RP1: variants seen among roughly 807,000 people sequenced by gnomAD.
The protein encoded by RP1 is oxygen-regulated protein 1.
RP1 carries 16 observed loss-of-function variants against 14.8 expected under a neutral mutation model. The ratio of observed to expected loss-of-function variants is 1.08; its 90% CI spans 0.73 to 1.65. The LOEUF is 1.65. RP1 is among the 40% of genes most tolerant of loss of function. The pLI is 0.00. For missense variants in RP1, 2,631 were observed against 2,535.0 expected, an observed-to-expected ratio of 1.04 and a Z score of -0.81; for synonymous variants, 876 against 883.6, an observed-to-expected ratio of 0.99 and a Z score of 0.15.
At chr8:54,609,280 G>A (rs1475568455) in intron 1 of RP1, among the ~76,000 whole-genome samples, 1 of 151,830 alleles carries the variant, frequency 6.6e-6, no homozygotes, top group South Asian at 2.1e-4. Context: ...GGGAAACAAA[G>A]TGAGACCCAG....
chr8:54,840,720 C>G (rs1458980079), intron 25 of RP1, among the ~76,000 whole-genome samples: 1 of 151,298 alleles, frequency 6.6e-6, no homozygotes, highest in African/African-American at 2.4e-5. Flanking sequence ...AATAAAGGCT[C>G]AGCATGTCTT....
At chr8:54,663,753 T>C (rs1248372478) in exon 7 of RP1, 3 of 1,535,098 alleles carry the variant, frequency 2.0e-6, no homozygotes, top group Admixed American at 2.0e-5. Context: ...GCTGGAACAG[T>C]AGCAAACGTC....
At chr8:54,687,857 T>G (rs950196647) in intron 12 of RP1, among the ~76,000 whole-genome samples, 9 of 152,204 alleles carry the variant, frequency 5.9e-5, no homozygotes, top group Non-Finnish European at 1.2e-4. Flanking sequence ...AAATGGTATT[T>G]CTGGTTCTAG....
intron 24 of RP1, among the ~76,000 whole-genome samples, chr8:54,804,143 T>TGG (rs3077303): frequency 6.7e-6 from 1 of 149,870 alleles, no homozygotes; most frequent in Non-Finnish European, 1.5e-5. Flanking sequence ...ATTACATATG[T>TGG]GGGGGGGGGC....
At chr8:54,754,430 C>T (rs189858724) in intron 19 of RP1, among the ~76,000 whole-genome samples, 127 of 151,638 alleles carry the variant, frequency 8.4e-4, no homozygotes, top group Non-Finnish European at 1.4e-3. Flanking sequence ...ATTTTCTTAT[C>T]TATAAGATTG....
At chr8:54,609,564 GC>G (rs1805542955) in intron 1 of RP1, among the ~76,000 whole-genome samples, 1 of 152,092 alleles carries the variant, frequency 6.6e-6, no homozygotes, top group Non-Finnish European at 1.5e-5. Flanking sequence ...GGTTCTCAAT[GC>G]CCCCCACAAG....
rs910972473 is a variant in RP1, at chr8:54,626,566, T to C, written c.2684T>C (p.Leu895Ser). 4 of 1,613,484 alleles carry C rather than the reference T, an allele frequency of 2.5e-6. No homozygotes were observed. The highest frequency in any genetic ancestry group is 3.3e-5 in the Admixed American group (2 of 59,942). Residue 895 changes from leucine to serine, a missense_variant, in exon 4 of 4, where the codon TTA (leucine) becomes TCA (serine). Transcript: ENST00000220676. ...CATGCTACAACCAGGGCAAATTCTTTAGCTTCTTTGAAAAAACCTGATTTT... is the reference window on the plus strand; with the variant it reads ...CATGCTACAACCAGGGCAAATTCTTCAGCTTCTTTGAAAAAACCTGATTTT... ...KQHATTRANS[L>S]ASLKKPDFPE... is the part of the protein sequence containing the mutation.
chr8:54,839,226 T>C (rs917266706), intron 25 of RP1, among the ~76,000 whole-genome samples: 12 of 152,204 alleles, frequency 7.9e-5, no homozygotes, highest in African/African-American at 2.9e-4. Context: ...CTAACTTCTA[T>C]TGTTAATTCT....
chr8:54,756,618 T>A lies in RP1; in HGVS notation c.3093+848T>A, dbSNP rs79109392. 5.9e-3 allele frequency among the ~76,000 whole-genome samples: 900 copies of A among 152,322 alleles called. 6 individuals are homozygous for A. Among genetic ancestry groups the A allele is most frequent in the African/African-American group, 0.018 (765 of 41,570 alleles). ...TGCTATCAGGAATGAATTATTAATTTTAAGCAGAAACAAAATTTTAGATGC... is the reference window on the plus strand; with the variant it reads ...TGCTATCAGGAATGAATTATTAATTATAAGCAGAAACAAAATTTTAGATGC... On this transcript the variant is annotated intron_variant, in intron 21 of 22. Coordinates refer to the RP1 transcript ENST00000636932.
chr8:54,635,149 T>C (rs115872864), downstream of RP1, among the ~76,000 whole-genome samples: 1,163 of 152,240 alleles, frequency 7.6e-3, 19 homozygotes, highest in African/African-American at 0.027. Context: ...TTCTAAAGGA[T>C]ATACACATGA....
At chr8:54,857,507 A>G (rs1177122983) in intron 27 of RP1, among the ~76,000 whole-genome samples, 1 of 151,428 alleles carries the variant, frequency 6.6e-6, no homozygotes, top group Admixed American at 6.6e-5. Flanking sequence ...ATATTAAATT[A>G]TATACATTTA....
At chr8:54,699,382 A>G in intron 12 of RP1, 1 of 482,372 alleles carries the variant, frequency 2.1e-6, no homozygotes. Flanking sequence ...TTTAAAATAT[A>G]TTATTAAGAG....
chr8:54,708,820 AT>A (rs1382390173), intron 15 of RP1, among the ~76,000 whole-genome samples: 1 of 151,124 alleles, frequency 6.6e-6, no homozygotes, highest in African/African-American at 2.4e-5. Context: ...CTTAATATTC[AT>A]GCTTTTTCTT....
intron 28 of RP1, among the ~76,000 whole-genome samples, chr8:54,868,688 A>G (rs547066563): frequency 6.6e-6 from 1 of 152,226 alleles, no homozygotes; most frequent in African/African-American, 2.4e-5. Context: ...TGCACAAGAT[A>G]TCAAGTTTAC....
intron 3 of RP1, among the ~76,000 whole-genome samples, chr8:54,623,489 G>A (rs574086733): frequency 3.3e-4 from 49 of 148,796 alleles, no homozygotes; most frequent in African/African-American, 1.2e-3. Context: ...TTTTCTTTTT[G>A]AGATGGGGTC....
chr8:54,648,898 C>A, intron 3 of RP1: 1 of 903,862 alleles, frequency 1.1e-6, no homozygotes, highest in East Asian at 3.0e-5. Context: ...CTATCCTGAA[C>A]TCTCCTAGTT....
intron 1 of RP1, among the ~76,000 whole-genome samples, chr8:54,589,096 C>G (rs1214323662): frequency 2.0e-5 from 3 of 152,110 alleles, no homozygotes; most frequent in Non-Finnish European, 4.4e-5. Flanking sequence ...TGTCTAGGAT[C>G]AGACTCCAGG....
In RP1 at chr8:54,627,074, T is replaced by C. The variant is rs767848341; in HGVS notation, c.3192T>C (p.Ser1064=). ...TAAACCTAGCTAGAAAAAGGCAAAGTGTAGAGGCTGCCATTCAAGTAGATC... is the reference window on the plus strand; with the variant it reads ...TAAACCTAGCTAGAAAAAGGCAAAGCGTAGAGGCTGCCATTCAAGTAGATC... ...QEINLARKRQ[S]VEAAIQVDPI... The change falls in exon 4 of 4, where the codon AGT becomes AGC. Residue 1064 remains serine, a synonymous_variant. Coordinates refer to ENST00000220676, the MANE Select transcript of RP1 (RefSeq NM_006269.2). The C allele has an allele frequency of 7.4e-6, 12 of 1,613,946 alleles. No individual in the cohort carries two copies. The highest frequency in any genetic ancestry group is 1.0e-5 in the Non-Finnish European group (12 of 1,179,946).
At chr8:54,793,970 G>T (rs868318330) in intron 24 of RP1, among the ~76,000 whole-genome samples, 1 of 151,808 alleles carries the variant, frequency 6.6e-6, no homozygotes. Flanking sequence ...CAGTAAAGTT[G>T]CAAGCTACAA....
Sources: gnomAD v4.1 joint callset for allele counts (sites outside exome capture counted in the v4.1 genomes callset) on GRCh38, gnomAD v4.1.1 for gene constraint, MANE v1.5 for transcripts, NCBI Gene and HGNC (gene_info 2026-07-23, HGNC 2026-07-21) for gene names.